DOCK8: variants seen among roughly 807,000 people sequenced by gnomAD.
DOCK8 encodes the protein dedicator of cytokinesis protein 8.
DOCK8 carries 141 observed loss-of-function variants against 245.6 expected under a neutral mutation model. The observed-to-expected ratio is 0.57, with a 90% CI of 0.50 to 0.66. The LOEUF is 0.66. Among genes scored for constraint, DOCK8 ranks in the 30% least tolerant of loss-of-function variants. The pLI is 0.00. For synonymous variants in DOCK8, 1,168 were observed against 970.2 expected, an observed-to-expected ratio of 1.20 and a Z score of -3.79; for missense variants, 2,965 against 2,603.4, an observed-to-expected ratio of 1.14 and a Z score of -3.02.
chr9:445,398 G>A (rs966536196), intron 43 of DOCK8, among the ~76,000 whole-genome samples: 4 of 152,208 alleles, frequency 2.6e-5, no homozygotes, highest in African/African-American at 9.7e-5. Flanking sequence ...CCCAGCATCT[G>A]AACTCATGGT....
intron 21 of DOCK8, chr9:381,364 G>T (rs1261649744): frequency 1.3e-5 from 2 of 152,008 alleles, no homozygotes; most frequent in Non-Finnish European, 2.9e-5. Flanking sequence ...TACGATTCTA[G>T]TATAATAAAG....
At chr9:236,445 G>A (rs1259989169) in intron 1 of DOCK8, among the ~76,000 whole-genome samples, 2 of 152,204 alleles carry the variant, frequency 1.3e-5, no homozygotes, top group Non-Finnish European at 2.9e-5. Context: ...GGTTGAGTTA[G>A]AATGAAGGGG....
intron 9 of DOCK8, 47 bp downstream of exon 9, chr9:328,218 G>A (rs776219027): frequency 1.9e-6 from 3 of 1,583,700 alleles, no homozygotes; most frequent in South Asian, 1.1e-5. Context: ...TTTCATTGCT[G>A]TGTTGTTCCC....
intron 16 of DOCK8, 68 bp from the exon 17 acceptor site, chr9:371,360 C>A: frequency 6.3e-7 from 1 of 1,582,882 alleles, no homozygotes; most frequent in South Asian, 1.1e-5. Flanking sequence ...GGGGCTGTGG[C>A]GTTTTACAAT....
Position 248,060 on chromosome 9 carries a change from A to G in DOCK8, c.54-23567A>G, listed in dbSNP as rs2047549920. Among the ~76,000 whole-genome samples, 3 of 152,184 alleles carry G rather than the reference A, an allele frequency of 2.0e-5. No homozygotes were observed. In the South Asian group the frequency reaches 6.2e-4, roughly 32 times the overall value. Reference sequence around the variant, plus strand: ...TTGAAACTTTAATATGTCCGAGGAAAAGAATCTTGCATTAAGTCCAATACA... The same window carrying G: ...TTGAAACTTTAATATGTCCGAGGAAGAGAATCTTGCATTAAGTCCAATACA... On this transcript the variant is annotated intron_variant, in intron 1 of 47. Coordinates refer to ENST00000432829, the MANE Select transcript of DOCK8 (RefSeq NM_203447.4).
intron 14 of DOCK8, among the ~76,000 whole-genome samples, chr9:350,002 C>G (rs2052079277): frequency 1.3e-5 from 2 of 152,210 alleles, no homozygotes; most frequent in South Asian, 2.1e-4. Flanking sequence ...TCCCCTAACT[C>G]CCATTGTTGA....
chr9:340,878 C>T (rs772606279), intron 14 of DOCK8, among the ~76,000 whole-genome samples: 1 of 152,182 alleles, frequency 6.6e-6, no homozygotes, highest in South Asian at 2.1e-4. Flanking sequence ...CATATGTTTT[C>T]CAGAGATTAA....
rs1346213865 is a variant in DOCK8 at position 320,105 on chromosome 9, G to A, written c.827+2977G>A. Among the ~76,000 whole-genome samples the A allele has an allele frequency of 5.9e-5, 9 of 152,192 alleles. No individual in the cohort carries two copies. The South Asian group carries it at 1.7e-3, about 28-fold the overall frequency. ...CTACACTTAAAGAACAAACACTCAC[G>A]GAAAAAGCCCAGGTTCTGTGATCAG... On this transcript the variant is annotated intron_variant, in intron 7 of 47. Transcript: ENST00000432829.
rs2056637913 is a variant in DOCK8 at position 429,700 on chromosome 9, A to G, written c.4474-2A>G. The G allele has an allele frequency of 6.2e-7, 1 of 1,614,164 alleles. No individual in the cohort carries two copies. Among genetic ancestry groups the G allele is most frequent in the Non-Finnish European group, 8.5e-7 (1 of 1,180,024 alleles). On this transcript the variant is annotated splice_acceptor_variant, in intron 35 of 47. Transcript: ENST00000432829. LOFTEE classifies it high-confidence loss of function. ...CCTAATGGCCCTTTATGTCTCTCCT[A>G]GTTTGGAGACTTACTCTTTGAAGAG...
chr9:409,434 A>G (rs898154951), intron 28 of DOCK8, among the ~76,000 whole-genome samples: 6 of 152,212 alleles, frequency 3.9e-5, no homozygotes, highest in Non-Finnish European at 5.9e-5. Context: ...GCAATTTACA[A>G]TTATCTTACT....
At chr9:420,710 C>T (rs2056240916) in intron 31 of DOCK8, 127 bp downstream of exon 31, 2 of 1,319,258 alleles carry the variant, frequency 1.5e-6, no homozygotes, top group Non-Finnish European at 2.2e-6. Flanking sequence ...TATTCAAATC[C>T]ATAACCCATT....
At chr9:390,114 C>G (rs575242135) in intron 23 of DOCK8, among the ~76,000 whole-genome samples, 1 of 152,198 alleles carries the variant, frequency 6.6e-6, no homozygotes, top group East Asian at 1.9e-4. Flanking sequence ...TGCACATGGT[C>G]ACACAGAGAG....
At chr9:386,448 G>C (rs1174442446) in intron 23 of DOCK8, 22 bp downstream of exon 23, 10 of 1,601,138 alleles carry the variant, frequency 6.2e-6, no homozygotes, top group Non-Finnish European at 8.6e-6. Context: ...AGCAATGTGA[G>C]GTTCATCCCA....
intron 7 of DOCK8, among the ~76,000 whole-genome samples, chr9:323,635 ACT>A (rs1299496313): frequency 6.6e-6 from 1 of 151,784 alleles, no homozygotes; most frequent in Non-Finnish European, 1.5e-5. Context: ...CCAAACTGAA[ACT>A]CTGTACCCGT....
At chr9:357,951 C>T (rs1181768028) in intron 14 of DOCK8, among the ~76,000 whole-genome samples, 1 of 152,206 alleles carries the variant, frequency 6.6e-6, no homozygotes, top group East Asian at 1.9e-4. Context: ...TTTTATCTAA[C>T]CTAAAACATT....
chr9:340,835 T>G (rs994169997), intron 14 of DOCK8, among the ~76,000 whole-genome samples: 3 of 152,158 alleles, frequency 2.0e-5, no homozygotes, highest in African/African-American at 7.2e-5. Context: ...AAGGGTTACT[T>G]CAGATGTAAT....
intron 28 of DOCK8, among the ~76,000 whole-genome samples, chr9:412,299 G>A (rs2055768726): frequency 6.6e-6 from 1 of 151,872 alleles, no homozygotes; most frequent in Admixed American, 6.6e-5. Flanking sequence ...CAGCTACTTG[G>A]GAGGTTGAGG....
chr9:263,224 A>AC (rs774328361), intron 1 of DOCK8, among the ~76,000 whole-genome samples: 4 of 150,478 alleles, frequency 2.7e-5, no homozygotes, highest in Admixed American at 1.3e-4. Context: ...AAAAAAAAAA[A>AC]CCTGATATAT....
chr9:314,094 G>A (rs977287475), intron 6 of DOCK8, among the ~76,000 whole-genome samples: 2 of 152,296 alleles, frequency 1.3e-5, no homozygotes, highest in African/African-American at 4.8e-5. Flanking sequence ...TACAAAGTTC[G>A]TGTTCCCTTG....
Sources: allele counts gnomAD v4.1 joint callset (sites outside exome capture counted in the v4.1 genomes callset), GRCh38; gene constraint gnomAD v4.1.1; transcripts MANE v1.5; gene names NCBI Gene and HGNC (gene_info 2026-07-23, HGNC 2026-07-21).